BTD: variants seen among roughly 807,000 people sequenced by gnomAD.
BTD encodes biocytinase.
A neutral mutation model predicts 17.7 loss-of-function variants in BTD; 13 were observed. The observed-to-expected ratio is 0.74, with a 90% CI of 0.48 to 1.17. The LOEUF is 1.17. BTD is among the 50% of genes most tolerant of loss of function. BTD has a pLI of 0.00. For missense variants in BTD, 674 were observed against 650.4 expected, an observed-to-expected ratio of 1.04 and a Z score of -0.39; for synonymous variants, 240 against 245.2, an observed-to-expected ratio of 0.98 and a Z score of 0.20.
At position 15,645,476 on chromosome 3, in the gene BTD, T is replaced by A; in HGVS notation, c.1560T>A (p.Tyr520Ter). 6.2e-7 allele frequency: 1 copy of A among 1,606,854 alleles called. No homozygotes were observed. Among genetic ancestry groups the A allele is most frequent in the East Asian group, 2.2e-5 (1 of 44,886 alleles). Residue 520 changes from tyrosine to a stop codon, truncating the protein, a stop_gained, in exon 4 of 4, where the codon TAT (tyrosine) becomes TAA (stop). Coordinates refer to ENST00000643237, the MANE Select transcript of BTD (RefSeq NM_001370658.1). LOFTEE classifies it high-confidence loss of function. ...LVTAALYGRL[Y>*]ERD is the part of the protein sequence containing the mutation. ...CGGCGGCTCTCTATGGGCGCTTGTA[T>A]GAGAGGGACTAGGAAAAGTGTGTGG...
At chr3:15,671,025 G>A (rs1025041237) in intron 3 of BTD, among the ~76,000 whole-genome samples, 1 of 152,338 alleles carries the variant, frequency 6.6e-6, no homozygotes, top group Non-Finnish European at 1.5e-5. Context: ...AATGTGTACA[G>A]CTTCATGAAT....
intron 3 of BTD, among the ~76,000 whole-genome samples, chr3:15,680,111 A>C (rs76200265): frequency 6.6e-6 from 1 of 151,844 alleles, no homozygotes; most frequent in Non-Finnish European, 1.5e-5. Flanking sequence ...CTATTTTTTT[A>C]TTTTTTTCTT....
At chr3:15,720,218 C>CA (rs147710728) in intron 4 of BTD, among the ~76,000 whole-genome samples, 14,795 of 150,748 alleles carry the variant, frequency 0.098, 793 homozygotes, top group South Asian at 0.13. Flanking sequence ...GTGATTCTAA[C>CA]AAAAAAAAAC....
chr3:15,681,267 A>C (rs2067517714), intron 3 of BTD, among the ~76,000 whole-genome samples: 1 of 152,238 alleles, frequency 6.6e-6, no homozygotes, highest in Non-Finnish European at 1.5e-5. Flanking sequence ...ACAAAAAAAA[A>C]GTCTGTACAT....
At chr3:15,617,733 A>T (rs1209833047) in intron 1 of BTD, among the ~76,000 whole-genome samples, 1 of 152,262 alleles carries the variant, frequency 6.6e-6, no homozygotes, top group East Asian at 1.9e-4. Flanking sequence ...TAAAATAAAT[A>T]AATAAATAAG....
At chr3:15,711,457 G>T (rs1247451268) in exon 4 of BTD, among the ~76,000 whole-genome samples, 3 of 152,082 alleles carry the variant, frequency 2.0e-5, no homozygotes, top group Non-Finnish European at 2.9e-5. Context: ...GCAATAAAAA[G>T]AAATAAAGTA....
chr3:15,702,951 G>A (rs1225504138), intron 3 of BTD, among the ~76,000 whole-genome samples: 3 of 151,946 alleles, frequency 2.0e-5, no homozygotes, highest in East Asian at 1.9e-4. Flanking sequence ...CTACATAGTC[G>A]TGACAGAGTT....
Position 15,646,671 on chromosome 3 carries a change from T to G in BTD, c.*1183T>G, listed in dbSNP as rs2065701945. On this transcript the variant is annotated 3_prime_UTR_variant, in exon 4 of 4. Transcript: ENST00000643237. ...CCTAGTAGCTGTTTCAGATCATTTT[T>G]TAAGTACAGAATGGATAATTAGTCT... 6.6e-6 allele frequency: 1 copy of G among 152,250 alleles called. No individual in the cohort carries two copies. 9.4% of individuals were successfully genotyped at this position (152,250 alleles called of 1,614,324 possible). A position where few individuals can be genotyped will look rare whatever the true frequency, so the allele number is the denominator to read the frequency against.
In BTD at chr3:15,652,832, T is replaced by C. The variant is rs918758088; in HGVS notation, c.*7344T>C. 5.3e-5 allele frequency among the ~76,000 whole-genome samples: 8 copies of C among 152,180 alleles called. No individual in the cohort carries two copies. Among genetic ancestry groups the C allele is most frequent in the African/African-American group, 1.9e-4 (8 of 41,452 alleles). On this transcript the variant is annotated 3_prime_UTR_variant, in exon 4 of 4. Transcript: ENST00000643237. ...ATCAAGTGCTATTAGTGGCTATTAT[T>C]TGTTGGGTTACACAAAGCCAGAAAT...
Position 15,708,985 on chromosome 3 carries a change from C to T in BTD, c.400-1075C>T, listed in dbSNP as rs142422654. Among the ~76,000 whole-genome samples the T allele has an allele frequency of 2.8e-3, 433 of 152,316 alleles. 1 individual carries two copies. Among genetic ancestry groups the T allele is most frequent in the Middle Eastern group, 0.01 (3 of 294 alleles). ...GTCATCTCTTTCAAACCAATTCCAA[C>T]TGCCTTCAATTCTTTCCTGTATGGT... On this transcript the variant is annotated intron_variant, in intron 3 of 3. Transcript: ENST00000672141.
intron 1 of BTD, among the ~76,000 whole-genome samples, chr3:15,617,355 G>C (rs908210230): frequency 1.3e-5 from 2 of 152,192 alleles, no homozygotes; most frequent in African/African-American, 4.8e-5. Context: ...TCCAACACAA[G>C]ATCATCTAGC....
At chr3:15,672,146 ATTT>A (rs869087310) in intron 3 of BTD, among the ~76,000 whole-genome samples, 8 of 136,486 alleles carry the variant, frequency 5.9e-5, no homozygotes, top group Non-Finnish European at 6.4e-5. Flanking sequence ...TAAAAAAAGG[ATTT>A]TTTTTTTTTT....
intron 1 of BTD, among the ~76,000 whole-genome samples, chr3:15,621,988 G>T (rs2064963364): frequency 6.6e-6 from 1 of 152,120 alleles, no homozygotes; most frequent in Admixed American, 6.5e-5. Flanking sequence ...CGGTGTCCAT[G>T]GGATCTGTAG....
chr3:15,682,551 T>A (rs2067656118), intron 3 of BTD, among the ~76,000 whole-genome samples: 1 of 152,214 alleles, frequency 6.6e-6, no homozygotes, highest in Non-Finnish European at 1.5e-5. Flanking sequence ...TTTAAAGGAA[T>A]AATAAGTATT....
At chr3:15,623,594 T>A (rs1166579306) in intron 1 of BTD, among the ~76,000 whole-genome samples, 3 of 152,224 alleles carry the variant, frequency 2.0e-5, no homozygotes, top group Admixed American at 2.0e-4. Flanking sequence ...AGGTTAATTT[T>A]GTAGGATGTT....
At chr3:15,658,074 AGG>A (rs2065889215), downstream of BTD, among the ~76,000 whole-genome samples, 1 of 151,910 alleles carries the variant, frequency 6.6e-6, no homozygotes, top group African/African-American at 2.4e-5. Flanking sequence ...AGGCTGATGC[AGG>A]AGAATCGCTT....
chr3:15,622,648 T>G (rs2064979842), intron 1 of BTD, among the ~76,000 whole-genome samples: 1 of 152,236 alleles, frequency 6.6e-6, no homozygotes, highest in Admixed American at 6.5e-5. Context: ...GATAGAGGGG[T>G]GTTGAAGTTT....
intron 3 of BTD, among the ~76,000 whole-genome samples, chr3:15,688,200 A>G (rs913023767): frequency 6.6e-6 from 1 of 152,246 alleles, no homozygotes; most frequent in Non-Finnish European, 1.5e-5. Flanking sequence ...TTAGTTCTGC[A>G]TATGATCTGC....
chr3:15,668,893 G>C (rs1471716388), intron 3 of BTD: 1 of 152,586 alleles, frequency 6.6e-6, no homozygotes, highest in Non-Finnish European at 1.5e-5. Flanking sequence ...GCAATTTATA[G>C]AACTTTACCC....
Sources: allele counts gnomAD v4.1 joint callset (sites outside exome capture counted in the v4.1 genomes callset), GRCh38; gene constraint gnomAD v4.1.1; transcripts MANE v1.5; gene names NCBI Gene and HGNC (gene_info 2026-07-23, HGNC 2026-07-21).